The following NEGR1 variants were observed in gnomAD, a reference collection of about 807,000 sequenced individuals.
NEGR1 encodes the protein IgLON family member 4.
A neutral mutation model predicts 40.9 loss-of-function variants in NEGR1; 10 were observed. That is an observed-to-expected ratio of 0.24 (90% confidence interval 0.15 to 0.42). NEGR1 has a LOEUF of 0.42. Ranked by LOEUF, NEGR1 falls within the 10% of genes least tolerant of loss-of-function variation. The pLI is 1.00. For missense variants in NEGR1, 352 were observed against 438.9 expected (o/e 0.80, Z 1.77); for synonymous variants, 185 against 166.8 (o/e 1.11, Z -0.84).
intron 1 of NEGR1, among the ~76,000 whole-genome samples, chr1:72,202,899 T>C (rs1021169216): frequency 2.6e-5 from 4 of 152,026 alleles, no homozygotes; most frequent in Non-Finnish European, 5.9e-5. Flanking sequence ...GAACAAAGCC[T>C]GGACGAAAGC....
At chr1:71,530,900 T>C (rs1345849564) in intron 6 of NEGR1, among the ~76,000 whole-genome samples, 3 of 151,178 alleles carry the variant, frequency 2.0e-5, no homozygotes, top group African/African-American at 7.3e-5. Flanking sequence ...TGTGTGTATG[T>C]GTGTGTGTGT....
chr1:72,076,952 T>G (rs1012026520), intron 1 of NEGR1, among the ~76,000 whole-genome samples: 3 of 140,618 alleles, frequency 2.1e-5, no homozygotes, highest in Non-Finnish European at 4.5e-5. Context: ...TGCAGTGCAG[T>G]GGCACAATCT....
intron 1 of NEGR1, among the ~76,000 whole-genome samples, chr1:72,231,565 GAT>G (rs1238018385): frequency 1.3e-5 from 2 of 152,050 alleles, no homozygotes; most frequent in Non-Finnish European, 2.9e-5. Context: ...TATAATTATT[GAT>G]GTCATGATTT....
rs542833248 is a variant in NEGR1 at position 71,501,359 on chromosome 1, G to C, written c.940+91458C>G. Among the ~76,000 whole-genome samples the C allele has an allele frequency of 5.7e-4, 86 of 152,138 alleles. No individual in the cohort carries two copies. In the South Asian group the frequency reaches 0.017, roughly 31 times the overall value. ...ATGAAATGAACTTTAATCGTATGAA[G>C]CAATATTTTTAAGATAATTTCTAAA... On this transcript the variant is annotated intron_variant, in intron 6 of 6. Coordinates refer to ENST00000357731, the MANE Select transcript of NEGR1 (RefSeq NM_173808.3).
intron 3 of NEGR1, among the ~76,000 whole-genome samples, chr1:71,699,507 A>T (rs1653608133): frequency 6.6e-6 from 1 of 151,918 alleles, no homozygotes; most frequent in Admixed American, 6.6e-5. Flanking sequence ...TATAACGAAG[A>T]TACTCTAGGC....
intron 1 of NEGR1, among the ~76,000 whole-genome samples, chr1:72,051,512 G>A (rs956864337): frequency 1.3e-5 from 2 of 151,454 alleles, no homozygotes; most frequent in Admixed American, 6.6e-5. Context: ...TCTATTATGC[G>A]ATATTATTTT....
intron 1 of NEGR1, among the ~76,000 whole-genome samples, chr1:72,154,039 T>A (rs973038970): frequency 2.0e-5 from 3 of 151,804 alleles, no homozygotes; most frequent in African/African-American, 7.3e-5. Context: ...GAGTGTTGAA[T>A]GAGTGGAGAC....
intron 2 of NEGR1, among the ~76,000 whole-genome samples, chr1:71,813,190 T>A (rs1658066800): frequency 1.3e-5 from 2 of 152,112 alleles, no homozygotes; most frequent in Admixed American, 1.3e-4. Flanking sequence ...AAATAGAGAA[T>A]CCTTTCCCCA....
chr1:72,144,599 T>C (rs190731288), intron 1 of NEGR1, among the ~76,000 whole-genome samples: 3 of 152,134 alleles, frequency 2.0e-5, no homozygotes, highest in African/African-American at 4.8e-5. Context: ...AGTTTCACCA[T>C]TGATGTTCCT....
chr1:72,271,728 A>ATCCCAGAATTCCCACGTGTTG (rs879304758), intron 1 of NEGR1, among the ~76,000 whole-genome samples: 2 of 151,912 alleles, frequency 1.3e-5, no homozygotes, highest in Non-Finnish European at 2.9e-5. Flanking sequence ...GGAGTTGTAT[A>ATCCCAGAATTCCCACGTGTTG]TCCCAGAATT....
intron 1 of NEGR1, among the ~76,000 whole-genome samples, chr1:72,203,571 T>C (rs184250939): frequency 2.2e-4 from 34 of 152,244 alleles, no homozygotes; most frequent in Non-Finnish European, 3.8e-4. Flanking sequence ...CAATAAAGGT[T>C]TTAGAATATT....
chr1:71,523,278 C>T (rs918285458), intron 6 of NEGR1, among the ~76,000 whole-genome samples: 1 of 151,756 alleles, frequency 6.6e-6, no homozygotes, highest in African/African-American at 2.4e-5. Context: ...ATTTCATTTA[C>T]ATATGCAGGA....
intron 2 of NEGR1, among the ~76,000 whole-genome samples, chr1:71,878,962 C>T (rs977685566): frequency 2.6e-5 from 4 of 151,850 alleles, no homozygotes; most frequent in Admixed American, 1.3e-4. Flanking sequence ...AGAGAAACCC[C>T]GTCTCTACTA....
chr1:72,192,222 A>T (rs1296117607), intron 1 of NEGR1, among the ~76,000 whole-genome samples: 1 of 151,800 alleles, frequency 6.6e-6, no homozygotes, highest in Admixed American at 6.6e-5. Flanking sequence ...GTCCTCAGTC[A>T]TGTGCGACAA....
At chr1:71,834,333 C>A (rs1325336119) in intron 2 of NEGR1, among the ~76,000 whole-genome samples, 5 of 151,978 alleles carry the variant, frequency 3.3e-5, no homozygotes, top group Admixed American at 3.3e-4. Flanking sequence ...ATGAGAATAG[C>A]ATTTAGATCA....
At chr1:71,853,599 A>G (rs942633277) in intron 2 of NEGR1, among the ~76,000 whole-genome samples, 1 of 152,040 alleles carries the variant, frequency 6.6e-6, no homozygotes. Flanking sequence ...CAGAAATTAG[A>G]TACTCTCACT....
At chr1:72,156,181 C>T (rs1362351259) in intron 1 of NEGR1, among the ~76,000 whole-genome samples, 2 of 152,042 alleles carry the variant, frequency 1.3e-5, no homozygotes, top group Admixed American at 6.6e-5. Context: ...ACAGATGTAA[C>T]GTGTTCTGAC....
intron 2 of NEGR1, among the ~76,000 whole-genome samples, chr1:71,932,252 A>C (rs1645862405): frequency 6.6e-6 from 1 of 152,074 alleles, no homozygotes; most frequent in Non-Finnish European, 1.5e-5. Context: ...CATTAAATCA[A>C]AGCAAATAAT....
rs941313124 is a variant in NEGR1 at position 71,763,059 on chromosome 1, A to G, written c.535+13113T>C. Among the ~76,000 whole-genome samples, 11 of 152,214 alleles carry G rather than the reference A, an allele frequency of 7.2e-5. No homozygotes were observed. In the East Asian group the frequency reaches 2.1e-3, roughly 29 times the overall value. On this transcript the variant is annotated intron_variant, in intron 3 of 6. Coordinates refer to ENST00000357731, the MANE Select transcript of NEGR1 (RefSeq NM_173808.3). Reference sequence around the variant, plus strand: ...GGTTAGGCATGGTGCATGGGGGAGGAATGTATGTAACTATAAGGAAATAAT... The same window carrying G: ...GGTTAGGCATGGTGCATGGGGGAGGGATGTATGTAACTATAAGGAAATAAT...
Sources: gnomAD v4.1 joint callset for allele counts (sites outside exome capture counted in the v4.1 genomes callset) on GRCh38, gnomAD v4.1.1 for gene constraint, MANE v1.5 for transcripts, NCBI Gene and HGNC (gene_info 2026-07-23, HGNC 2026-07-21) for gene names.